The following CWC27 variants were observed in gnomAD, a reference collection of about 807,000 sequenced individuals.
CWC27 encodes the protein spliceosome-associated protein CWC27 homolog.
Under a neutral mutation model 63.6 loss-of-function variants are expected in CWC27, and 47 were observed. The ratio of observed to expected loss-of-function variants is 0.74; its 90% confidence interval spans 0.58 to 0.94. CWC27 has a LOEUF of 0.94. Ranked by LOEUF, CWC27 falls within the 40% of genes least tolerant of loss-of-function variation. The pLI is 0.00. For synonymous variants in CWC27, 175 were observed against 179.8 expected (o/e 0.97, Z 0.22); for missense variants, 495 against 554.3 (o/e 0.89, Z 1.07).
At position 64,867,480 on chromosome 5, in the gene CWC27, T is replaced by G. The variant is rs575188243; in HGVS notation, c.939-17963T>G. 7.9e-5 allele frequency among the ~76,000 whole-genome samples: 12 copies of G among 152,236 alleles called. No homozygotes were observed. In the South Asian group the frequency reaches 1.9e-3, roughly 24 times the overall value. ...TAATAAAGCCGTCAGTGCTTCTTTG[T>G]TAACTTATTCCTAACAACTAGCATA... On this transcript the variant is annotated intron_variant, in intron 10 of 13. Coordinates refer to ENST00000381070, the MANE Select transcript of CWC27 (RefSeq NM_005869.4).
chr5:64,776,352 A>G (rs964293731), intron 2 of CWC27, among the ~76,000 whole-genome samples: 3 of 152,122 alleles, frequency 2.0e-5, no homozygotes, highest in South Asian at 2.1e-4. Flanking sequence ...GAAAGAATGA[A>G]TGGTAAATTG....
intron 10 of CWC27, among the ~76,000 whole-genome samples, chr5:64,882,620 G>T (rs1746967711): frequency 6.6e-6 from 1 of 152,154 alleles, no homozygotes; most frequent in African/African-American, 2.4e-5. Context: ...TTGAGACGGA[G>T]TCTCGCTCTG....
At chr5:64,859,077 A>G (rs1489360140) in intron 10 of CWC27, among the ~76,000 whole-genome samples, 2 of 152,264 alleles carry the variant, frequency 1.3e-5, no homozygotes, top group Admixed American at 1.3e-4. Flanking sequence ...ACTAGTTAGT[A>G]ATAAAAAGAT....
At chr5:64,798,272 C>T (rs114684472) in intron 7 of CWC27, among the ~76,000 whole-genome samples, 194 of 152,266 alleles carry the variant, frequency 1.3e-3, no homozygotes, top group African/African-American at 4.3e-3. Flanking sequence ...CATGAGATCA[C>T]TGTGTTTCAA....
At chr5:64,783,286 T>G (rs568187117) in intron 3 of CWC27, among the ~76,000 whole-genome samples, 1 of 152,366 alleles carries the variant, frequency 6.6e-6, no homozygotes, top group Admixed American at 6.5e-5. Context: ...GGCTTGTTCC[T>G]GCTCTTTTGA....
intron 10 of CWC27, chr5:64,844,957 C>T (rs1353743841): frequency 4.4e-6 from 2 of 456,592 alleles, no homozygotes; most frequent in Admixed American, 4.7e-5. Flanking sequence ...GCCCAGCCTA[C>T]AGCCCGGCCC....
intron 6 of CWC27, 106 bp from the exon 7 acceptor site, chr5:64,788,845 G>A (rs1743974313): frequency 8.6e-6 from 6 of 696,060 alleles, no homozygotes; most frequent in Non-Finnish European, 1.5e-5. Context: ...CAGTCAGAAT[G>A]TATTTCTTCT....
intron 10 of CWC27, among the ~76,000 whole-genome samples, chr5:64,807,288 G>T (rs1744714082): frequency 6.6e-6 from 1 of 152,058 alleles, no homozygotes; most frequent in Non-Finnish European, 1.5e-5. Flanking sequence ...TGTTAAAGCT[G>T]GTTATCACTT....
chr5:64,789,079 C>A, intron 7 of CWC27, 59 bp downstream of exon 7: 2 of 1,179,816 alleles, frequency 1.7e-6, no homozygotes, highest in Non-Finnish European at 2.5e-6. Flanking sequence ...CTATATCTTA[C>A]TCACTATTGT....
At chr5:64,903,265 G>T (rs919575629) in intron 11 of CWC27, among the ~76,000 whole-genome samples, 1 of 152,106 alleles carries the variant, frequency 6.6e-6, no homozygotes, top group African/African-American at 2.4e-5. Context: ...GCAAAGACTT[G>T]CAACCAACCC....
chr5:64,787,246 T>TTGTTTTCC (rs1327235568), intron 6 of CWC27, among the ~76,000 whole-genome samples: 1 of 152,126 alleles, frequency 6.6e-6, no homozygotes, highest in Non-Finnish European at 1.5e-5. Flanking sequence ...GTTTGTTTGT[T>TTGTTTTCC]TGTTTTCCTA....
At chr5:64,994,606 A>C (rs549574946) in intron 13 of CWC27, among the ~76,000 whole-genome samples, 1 of 152,294 alleles carries the variant, frequency 6.6e-6, no homozygotes, top group East Asian at 1.9e-4. Context: ...AATGTGTAAA[A>C]CATTTACATC....
chr5:64,873,270 C>A (rs1426493692), intron 10 of CWC27, among the ~76,000 whole-genome samples: 2 of 152,040 alleles, frequency 1.3e-5, no homozygotes, highest in Admixed American at 6.6e-5. Context: ...TAAAGGAAGT[C>A]TATTAATGTA....
chr5:64,785,163 C>G (rs1188068523), intron 4 of CWC27, among the ~76,000 whole-genome samples: 1 of 151,938 alleles, frequency 6.6e-6, no homozygotes, highest in African/African-American at 2.4e-5. Flanking sequence ...TTATCCTATT[C>G]CAAAGTTTAA....
intron 12 of CWC27, among the ~76,000 whole-genome samples, chr5:64,972,377 T>C (rs939405982): frequency 6.6e-6 from 1 of 152,196 alleles, no homozygotes; most frequent in African/African-American, 2.4e-5. Context: ...GTCAGCACTA[T>C]GTGCCATGCA....
chr5:64,938,243 C>A (rs925012257), intron 11 of CWC27, among the ~76,000 whole-genome samples: 1 of 152,004 alleles, frequency 6.6e-6, no homozygotes, highest in Admixed American at 6.6e-5. Flanking sequence ...TGGCTGATAC[C>A]GGTTTTTCCT....
chr5:64,850,661 G>A lies in CWC27; in HGVS notation c.939-34782G>A, dbSNP rs78121770. Among the ~76,000 whole-genome samples, 443 of 152,164 alleles carry A rather than the reference G, an allele frequency of 2.9e-3. 5 individuals carry two copies. The highest frequency in any genetic ancestry group is 0.01 in the African/African-American group (416 of 41,516). Reference sequence around the variant, plus strand: ...GGAAAAAAATATTTGCAAGCCAGACGTCTAATAAAGGGTTAATGTCTAAAA... The same window carrying A: ...GGAAAAAAATATTTGCAAGCCAGACATCTAATAAAGGGTTAATGTCTAAAA... On this transcript the variant is annotated intron_variant, in intron 10 of 13. Coordinates refer to ENST00000381070, the MANE Select transcript of CWC27 (RefSeq NM_005869.4).
chr5:64,870,787 G>A (rs1272900957), intron 10 of CWC27, among the ~76,000 whole-genome samples: 1 of 151,910 alleles, frequency 6.6e-6, no homozygotes, highest in Non-Finnish European at 1.5e-5. Flanking sequence ...TTTTCATTTT[G>A]GTAAACCACC....
Position 65,000,079 on chromosome 5 carries a change from A to G in CWC27, c.1257-18080A>G, listed in dbSNP as rs570276123. 7.8e-4 allele frequency among the ~76,000 whole-genome samples: 118 copies of G among 152,094 alleles called. 1 individual carries two copies. The highest frequency in any genetic ancestry group is 2.8e-3 in the African/African-American group (115 of 41,526). On this transcript the variant is annotated intron_variant, in intron 13 of 13. Transcript: ENST00000381070. ...CTGTGGCTTTGATTCGCAGGTCCCT[A>G]ATGATTAGGGATAGTGAACATTTTT...
Sources: gnomAD v4.1 joint callset for allele counts (sites outside exome capture counted in the v4.1 genomes callset) on GRCh38, gnomAD v4.1.1 for gene constraint, MANE v1.5 for transcripts, NCBI Gene and HGNC (gene_info 2026-07-23, HGNC 2026-07-21) for gene names.